EYS: variants seen among roughly 807,000 people sequenced by gnomAD.
The protein encoded by EYS is EGF-like photoreceptor maintenance factor.
In EYS, 250 loss-of-function variants were observed where a neutral mutation model predicts 282.1. The observed-to-expected ratio is 0.89, with a 90% confidence interval of 0.80 to 0.98. EYS has a LOEUF of 0.98. Ranked by LOEUF, EYS falls within the 50% of genes least tolerant of loss-of-function variation. EYS has a pLI of 0.00. For missense variants in EYS, 4,016 were observed against 3,709.0 expected (o/e 1.08, Z -2.15); for synonymous variants, 1,355 against 1,282.9 (o/e 1.06, Z -1.20).
At chr6:64,534,043 G>A (rs1364293368) in intron 26 of EYS, among the ~76,000 whole-genome samples, 1 of 151,766 alleles carries the variant, frequency 6.6e-6, no homozygotes, top group African/African-American at 2.4e-5. Flanking sequence ...AAGTGGACAA[G>A]AGAACTTTTG....
chr6:63,981,079 T>C (rs937234290), intron 35 of EYS, among the ~76,000 whole-genome samples: 3 of 151,752 alleles, frequency 2.0e-5, no homozygotes, highest in African/African-American at 7.2e-5. Flanking sequence ...AGAGAGTTGG[T>C]TATGGTGATG....
chr6:63,790,779 G>A (rs1312243315), intron 37 of EYS, among the ~76,000 whole-genome samples: 1 of 152,194 alleles, frequency 6.6e-6, no homozygotes, highest in East Asian at 1.9e-4. Flanking sequence ...AGATTTTTCT[G>A]TGGGTTGTGA....
intron 12 of EYS, among the ~76,000 whole-genome samples, chr6:65,217,857 T>C (rs1458389604): frequency 6.6e-6 from 1 of 152,054 alleles, no homozygotes; most frequent in Non-Finnish European, 1.5e-5. Context: ...GACATGCCAG[T>C]AGGTTAAAAA....
chr6:65,691,364 G>T lies in EYS; in HGVS notation c.-448+15771C>A, dbSNP rs1172000184. ...TGAGCTTTTTTTCATACAATTGTTG[G>T]CCGCATAAATATCTTCTTTTGAGAA... On this transcript the variant is annotated intron_variant, in intron 1 of 42. Transcript: ENST00000503581. Among the ~76,000 whole-genome samples, 2 of 150,148 alleles carry T rather than the reference G, an allele frequency of 1.3e-5. 1 individual carries two copies. Among genetic ancestry groups the T allele is most frequent in the Admixed American group, 1.3e-4 (2 of 14,948 alleles).
intron 29 of EYS, among the ~76,000 whole-genome samples, chr6:64,372,506 T>A (rs609895): frequency 0.71 from 106,982 of 149,882 alleles, 38,306 homozygotes; most frequent in African/African-American, 0.79. Context: ...GAATCTGATG[T>A]CTCTGTGTCT....
At chr6:65,374,009 T>C (rs1437195685) in intron 8 of EYS, among the ~76,000 whole-genome samples, 1 of 152,210 alleles carries the variant, frequency 6.6e-6, no homozygotes, top group African/African-American at 2.4e-5. Flanking sequence ...TTCTGTGATA[T>C]GAAAATATCA....
intron 36 of EYS, among the ~76,000 whole-genome samples, chr6:63,839,223 A>G (rs1450871931): frequency 2.0e-5 from 3 of 151,938 alleles, no homozygotes; most frequent in Non-Finnish European, 4.4e-5. Flanking sequence ...CCTCTCTAAA[A>G]CCTTTTCAGC....
chr6:65,059,701 C>A (rs998793443), intron 12 of EYS, among the ~76,000 whole-genome samples: 2 of 151,974 alleles, frequency 1.3e-5, no homozygotes, highest in Admixed American at 1.3e-4. Context: ...GTGGTTAGAT[C>A]ATTTAGATCC....
At chr6:64,732,810 G>C (rs560383864) in intron 22 of EYS, among the ~76,000 whole-genome samples, 5 of 152,180 alleles carry the variant, frequency 3.3e-5, no homozygotes, top group African/African-American at 9.7e-5. Context: ...GATTGTTCTC[G>C]TTTGAAAACA....
At chr6:64,859,705 C>CCT (rs1766174118) in intron 19 of EYS, among the ~76,000 whole-genome samples, 1 of 152,172 alleles carries the variant, frequency 6.6e-6, no homozygotes, top group Non-Finnish European at 1.5e-5. Flanking sequence ...GATTGTGAGG[C>CCT]CTCCCCAGCC....
intron 1 of EYS, among the ~76,000 whole-genome samples, chr6:65,689,768 C>T (rs113936143): frequency 0.026 from 3,851 of 149,816 alleles, 256 homozygotes; most frequent in African/African-American, 0.09. Flanking sequence ...TATACATGTG[C>T]CATGGTGGTT....
At chr6:64,324,970 C>T (rs1004906398) in intron 29 of EYS, among the ~76,000 whole-genome samples, 1 of 152,134 alleles carries the variant, frequency 6.6e-6, no homozygotes, top group Non-Finnish European at 1.5e-5. Flanking sequence ...AGAGATGACA[C>T]AAATGAATGG....
intron 6 of EYS, among the ~76,000 whole-genome samples, chr6:65,403,722 A>G (rs1332443023): frequency 6.6e-6 from 1 of 151,996 alleles, no homozygotes; most frequent in Non-Finnish European, 1.5e-5. Context: ...TAAATAATGA[A>G]TAATAGAGAA....
intron 35 of EYS, among the ~76,000 whole-genome samples, chr6:63,951,321 C>T (rs1243765475): frequency 2.6e-5 from 4 of 152,182 alleles, no homozygotes; most frequent in Admixed American, 2.0e-4. Flanking sequence ...TTCGATTTCT[C>T]CATCCTACAA....
At chr6:64,952,081 A>G (rs1290664762) in intron 14 of EYS, among the ~76,000 whole-genome samples, 2 of 151,986 alleles carry the variant, frequency 1.3e-5, no homozygotes, top group Non-Finnish European at 2.9e-5. Context: ...ACAAAGACAT[A>G]TTATCTTCAA....
intron 8 of EYS, among the ~76,000 whole-genome samples, chr6:65,367,320 A>C (rs1197241921): frequency 6.6e-6 from 1 of 151,766 alleles, no homozygotes; most frequent in Admixed American, 6.7e-5. Context: ...AATATGAAAT[A>C]GATTCACATA....
At chr6:65,401,791 T>G (rs1562153837) in intron 7 of EYS, among the ~76,000 whole-genome samples, 1 of 152,072 alleles carries the variant, frequency 6.6e-6, no homozygotes, top group East Asian at 1.9e-4. Flanking sequence ...TTTATGAATA[T>G]TCTAAAATTT....
At chr6:64,480,384 C>T (rs1776403037) in intron 26 of EYS, among the ~76,000 whole-genome samples, 1 of 151,876 alleles carries the variant, frequency 6.6e-6, no homozygotes, top group Admixed American at 6.6e-5. Flanking sequence ...CAAATTTTAT[C>T]TCAACTTGCA....
intron 29 of EYS, among the ~76,000 whole-genome samples, chr6:64,358,566 T>C (rs1054800478): frequency 6.6e-6 from 1 of 151,602 alleles, no homozygotes; most frequent in Admixed American, 6.6e-5. Context: ...CATTTCTATG[T>C]TAGCCATGAA....
Sources: gnomAD v4.1 joint callset for allele counts (sites outside exome capture counted in the v4.1 genomes callset) on GRCh38, gnomAD v4.1.1 for gene constraint, MANE v1.5 for transcripts, NCBI Gene and HGNC (gene_info 2026-07-23, HGNC 2026-07-21) for gene names.